Variants in CLPTM1 observed in about 807,000 individuals in gnomAD.
CLPTM1 encodes the protein putative lipid scramblase CLPTM1.
A neutral mutation model predicts 77.3 loss-of-function variants in CLPTM1; 21 were observed. The ratio of observed to expected loss-of-function variants is 0.27; its 90% CI spans 0.19 to 0.39. The LOEUF is 0.39. Among genes scored for constraint, CLPTM1 ranks in the 10% least tolerant of loss-of-function variants. The probability of loss-of-function intolerance (pLI) is 1.00; values close to 1 mark genes in which losing one functional copy is unlikely to be tolerated. For synonymous variants in CLPTM1, 373 were observed against 381.0 expected, an observed-to-expected ratio of 0.98 and a Z score of 0.24; for missense variants, 642 against 921.2, an observed-to-expected ratio of 0.70 and a Z score of 3.92.
rs908170733 is a variant in CLPTM1, at chr19:44,990,498, C to A, written c.1236C>A (p.Asp412Glu). 1 of 1,614,152 alleles carries A rather than the reference C, an allele frequency of 6.2e-7. No homozygotes were observed. The highest frequency in any genetic ancestry group is 8.5e-7 in the Non-Finnish European group (1 of 1,179,998). Residue 412 changes from aspartate to glutamate, a missense_variant, in exon 10 of 14, where the codon GAC becomes GAA. Transcript: ENST00000337392. The surrounding 1 kb of genome is among the most constrained non-coding windows in gnomAD (Gnocchi z 4.8). ...TCGTGGTCCTCCTCTACATCCTGGA[C>A]AACGAGACCAACTTCGTGGTCCAGG... ...QSFVVLLYIL[D>E]NETNFVVQVS...
chr19:44,977,459 G>T lies in CLPTM1; in HGVS notation c.585G>T (p.Arg195=). ...GGCTTGCCACAGTCCACATGTCCCG[G>T]AGTAAGTCGCTCCCCTGCAGCCAGG... ...YRRLATVHMS[R]MINKYKRRRF... is the part of the protein sequence containing the mutation. The change falls in exon 5 of 14, where the codon CGG becomes CGT. Residue 195 remains arginine, a splice_region_variant and synonymous_variant. Transcript: ENST00000337392. The T allele has an allele frequency of 6.2e-7, 1 of 1,602,946 alleles. No homozygotes were observed. The highest frequency in any genetic ancestry group is 8.5e-7 in the Non-Finnish European group (1 of 1,177,154).
chr19:44,954,742 G>A (rs1970429827), upstream of CLPTM1: 3 of 1,309,702 alleles, frequency 2.3e-6, no homozygotes, highest in African/African-American at 1.5e-5. Context: ...GCTAGGCAGG[G>A]CAGTCCGAAG....
At chr19:44,959,280 G>C (rs904352625) in intron 1 of CLPTM1, among the ~76,000 whole-genome samples, 5 of 151,320 alleles carry the variant, frequency 3.3e-5, no homozygotes, top group Non-Finnish European at 7.4e-5. Flanking sequence ...GGCTGGTCTC[G>C]AACTCCTGGG....
chr19:44,955,472 G>A lies in CLPTM1; in HGVS notation c.72+5G>A. The A allele has an allele frequency of 1.5e-6, 2 of 1,318,212 alleles. No homozygotes were observed. The highest frequency in any genetic ancestry group is 3.0e-5 in the East Asian group (1 of 32,956). The allele number at this position is 1,318,212 out of a possible 1,614,324, so 81.7% of individuals were successfully genotyped here. ...GGGGGAGGCAGCTCCGGTCAGGTAC[G>A]GAGGCCGAGAGGGGACTGAGGGGGT... is the stretch of plus-strand genomic sequence containing the variant. On this transcript the variant is annotated splice_donor_5th_base_variant and intron_variant, in intron 1 of 13. Coordinates refer to ENST00000337392, the MANE Select transcript of CLPTM1 (RefSeq NM_001294.4).
chr19:44,988,014 C>A, intron 8 of CLPTM1, 66 bp from the exon 9 acceptor site: 1 of 1,268,808 alleles, frequency 7.9e-7, no homozygotes, highest in Non-Finnish European at 1.2e-6. Context: ...GGGCAGCCCT[C>A]GGGACAAAAG....
chr19:44,969,688 T>C (rs1219312993), intron 2 of CLPTM1, among the ~76,000 whole-genome samples: 2 of 37,604 alleles, frequency 5.3e-5, no homozygotes, highest in Non-Finnish European at 1.0e-4. Flanking sequence ...TTAAGGACAC[T>C]TTTTTTTTTT....
At chr19:44,985,769 A>G (rs1311891383) in intron 6 of CLPTM1, among the ~76,000 whole-genome samples, 2 of 152,028 alleles carry the variant, frequency 1.3e-5, no homozygotes, top group Non-Finnish European at 2.9e-5. Context: ...GTTAACCTGC[A>G]GTGGGCACTA....
rs554203929 is a variant in CLPTM1, at chr19:44,962,595, A to C, written c.185+520A>C. On this transcript the variant is annotated intron_variant, in intron 2 of 13. Transcript: ENST00000337392. ...ATGGGGACACTAGTCATACTGGCTT[A>C]GTACCCACCATAATGACCTCACTGA... 5.9e-5 allele frequency among the ~76,000 whole-genome samples: 9 copies of C among 152,234 alleles called. No individual in the cohort carries two copies. In the South Asian group the frequency reaches 1.9e-3, roughly 32 times the overall value.
intron 9 of CLPTM1, among the ~76,000 whole-genome samples, chr19:44,988,467 G>C (rs1188034359): frequency 2.2e-4 from 33 of 152,392 alleles, no homozygotes; most frequent in Admixed American, 2.0e-3. Context: ...GAGCAGGGAA[G>C]CCCCGGAGCT....
chr19:44,968,841 C>T (rs530378841), intron 2 of CLPTM1, among the ~76,000 whole-genome samples: 1 of 152,292 alleles, frequency 6.6e-6, no homozygotes, highest in East Asian at 1.9e-4. Flanking sequence ...CATCGGTATC[C>T]CCAGAGATTG....
intron 4 of CLPTM1, 114 bp downstream of exon 4, chr19:44,974,711 C>A: frequency 8.1e-7 from 1 of 1,229,898 alleles, no homozygotes; most frequent in Non-Finnish European, 1.1e-6. Context: ...CAGGCTTGGC[C>A]CTTCCCTGGG....
intron 8 of CLPTM1, 90 bp from the exon 9 acceptor site, chr19:44,987,990 A>G: frequency 1.1e-6 from 1 of 945,880 alleles, no homozygotes; most frequent in Non-Finnish European, 1.7e-6. Flanking sequence ...GCCTCCCTCT[A>G]CAGGCGGCCC....
chr19:44,954,900 C>T, upstream of CLPTM1: 1 of 1,365,502 alleles, frequency 7.3e-7, no homozygotes, highest in Non-Finnish European at 9.9e-7. Flanking sequence ...GACAAGGGTG[C>T]TGGGCAAAAG....
chr19:44,955,891 TAGC>T (rs1970456694), intron 1 of CLPTM1: 1 of 165,826 alleles, frequency 6.0e-6, no homozygotes. Context: ...AAGTCAGTAT[TAGC>T]AGGGCACGGC....
At chr19:44,987,686 C>T (rs1600045195) in intron 8 of CLPTM1, 1 of 561,666 alleles carries the variant, frequency 1.8e-6, no homozygotes, top group South Asian at 2.1e-5. Flanking sequence ...CTGTCCCAGA[C>T]CTTGTGTCCC....
intron 2 of CLPTM1, among the ~76,000 whole-genome samples, chr19:44,970,015 C>A (rs1970693889): frequency 6.8e-6 from 1 of 147,434 alleles, no homozygotes; most frequent in Non-Finnish European, 1.5e-5. Flanking sequence ...TGCTGATTCT[C>A]GCTCATAATG....
At chr19:44,973,765 T>TTTTTTTG (rs1555721347) in intron 3 of CLPTM1, among the ~76,000 whole-genome samples, 28 of 131,638 alleles carry the variant, frequency 2.1e-4, no homozygotes, top group Non-Finnish European at 2.5e-4. Flanking sequence ...CAGTGGGTTT[T>TTTTTTTG]TTTTTTTTTT....
Position 44,983,617 on chromosome 19 carries a change from C to CA in CLPTM1, c.587-1573dup, listed in dbSNP as rs35582067. Among the ~76,000 whole-genome samples, 187 of 39,802 alleles carry CA rather than the reference C, an allele frequency of 4.7e-3. 22 individuals carry two copies. Among genetic ancestry groups the CA allele is most frequent in the African/African-American group, 0.018 (135 of 7,500 alleles). The allele number at this position is 39,802 out of a possible 152,430, so 26.1% of individuals were successfully genotyped here. ...TGGATGACAGAGCGAGACTCTGTCT[C>CA]AAAAAAAAAAAAAAAAAAAAAAAAA... On this transcript the variant is annotated intron_variant, in intron 5 of 13. Coordinates refer to ENST00000337392, the MANE Select transcript of CLPTM1 (RefSeq NM_001294.4).
At position 44,992,090 on chromosome 19, in the gene CLPTM1, CTGGTAGAGTGTGCCCAGGTATAGGAAG is replaced by C. The variant is rs1971085036; in HGVS notation, c.1556-123_1556-97del. 15 of 777,982 alleles carry C rather than the reference CTGGTAGAGTGTGCCCAGGTATAGGAAG, an allele frequency of 1.9e-5. No homozygotes were observed. The highest frequency in any genetic ancestry group is 7.6e-5 in the Admixed American group (3 of 39,354). The allele number at this position is 777,982 out of a possible 1,614,324, so 48.2% of individuals were successfully genotyped here. A position where few individuals can be genotyped will look rare whatever the true frequency, so the allele number is the denominator to read the frequency against. On this transcript the variant is annotated intron_variant, in intron 12 of 13. Coordinates refer to ENST00000337392, the MANE Select transcript of CLPTM1 (RefSeq NM_001294.4). This position sits in a 1 kb window ranked among gnomAD's most constrained non-coding sequence, Gnocchi z 7.7. ...GAAGGCCCCACCAGTGCAGAGGCCG[CTGGTAGAGTGTGCCCAGGTATAGGAAG>C]TGGTAGAGTGTGCCCAGGTGTAGGA...
Sources: allele counts gnomAD v4.1 joint callset (sites outside exome capture counted in the v4.1 genomes callset), GRCh38; gene constraint gnomAD v4.1.1; non-coding constraint Gnocchi (gnomAD v3.1); transcripts MANE v1.5; gene names NCBI Gene and HGNC (gene_info 2026-07-23, HGNC 2026-07-21).